Variants in COL13A1 observed in about 807,000 individuals in gnomAD.
COL13A1 encodes the protein collagen alpha-1(XIII) chain.
In COL13A1, 89 loss-of-function variants were observed where a neutral mutation model predicts 130.9. The observed-to-expected ratio is 0.68, with a 90% confidence interval of 0.57 to 0.81. COL13A1 has a LOEUF of 0.81. Ranked by LOEUF, COL13A1 falls within the 30% of genes least tolerant of loss-of-function variation. COL13A1 has a pLI of 0.00. For synonymous variants in COL13A1, 402 were observed against 341.6 expected, an observed-to-expected ratio of 1.18 and a Z score of -1.95; for missense variants, 879 against 934.6, an observed-to-expected ratio of 0.94 and a Z score of 0.78.
chr10:69,951,461 C>G (rs2069552789), intron 38 of COL13A1, among the ~76,000 whole-genome samples: 1 of 151,988 alleles, frequency 6.6e-6, no homozygotes, highest in Non-Finnish European at 1.5e-5. Context: ...TTGTCCTTGG[C>G]TCAAGTGATC....
chr10:69,930,273 T>C (rs2065938541), intron 29 of COL13A1, 127 bp from the exon 30 acceptor site: 3 of 1,081,666 alleles, frequency 2.8e-6, no homozygotes, highest in Non-Finnish European at 4.0e-6. Context: ...AGACCCAGGC[T>C]GGGCTGTCTC....
At chr10:69,921,687 C>T (rs765662575) in intron 21 of COL13A1, among the ~76,000 whole-genome samples, 195 bp from the exon 22 acceptor site, 7 of 152,162 alleles carry the variant, frequency 4.6e-5, no homozygotes, top group South Asian at 2.1e-4. Context: ...GTGTCACCAA[C>T]GCGAAGTGAC....
At chr10:69,925,489 A>G (rs2065223937) in intron 25 of COL13A1, among the ~76,000 whole-genome samples, 1 of 152,108 alleles carries the variant, frequency 6.6e-6, no homozygotes, top group Non-Finnish European at 1.5e-5. Flanking sequence ...CACAGGCTTG[A>G]CCTTGGGGTC....
At chr10:69,808,124 G>T (rs920796998) in intron 1 of COL13A1, among the ~76,000 whole-genome samples, 1 of 152,102 alleles carries the variant, frequency 6.6e-6, no homozygotes, top group African/African-American at 2.4e-5. Flanking sequence ...AAAGGTCTTC[G>T]AACTAGCAGA....
intron 15 of COL13A1, 86 bp from the exon 16 acceptor site, chr10:69,904,847 C>T: frequency 6.9e-7 from 1 of 1,439,812 alleles, no homozygotes; most frequent in Non-Finnish European, 9.4e-7. Flanking sequence ...TGCTCTGCCC[C>T]TAGGGTCTAC....
At chr10:69,814,102 T>C (rs554612770) in intron 1 of COL13A1, among the ~76,000 whole-genome samples, 9 of 152,358 alleles carry the variant, frequency 5.9e-5, no homozygotes, top group Admixed American at 5.2e-4. Context: ...TGCTGCAGGA[T>C]GATCAAAAGG....
chr10:69,948,096 A>AC (rs1344517169), intron 38 of COL13A1, among the ~76,000 whole-genome samples: 1 of 152,068 alleles, frequency 6.6e-6, no homozygotes, highest in Non-Finnish European at 1.5e-5. Context: ...TGGGGGGCAC[A>AC]CCCCCTAGAA....
chr10:69,892,357 G>A (rs2061261267), intron 10 of COL13A1, among the ~76,000 whole-genome samples: 1 of 151,942 alleles, frequency 6.6e-6, no homozygotes, highest in Non-Finnish European at 1.5e-5. Context: ...CTCTCAAAAG[G>A]GAGTCACCTC....
At chr10:69,918,801 C>T (rs2135540225) in intron 19 of COL13A1, among the ~76,000 whole-genome samples, 1 of 152,350 alleles carries the variant, frequency 6.6e-6, no homozygotes, top group Non-Finnish European at 1.5e-5. Flanking sequence ...TCCTTCCTCT[C>T]TTTCCTCCTG....
At chr10:69,818,431 C>A (rs1007223257) in intron 1 of COL13A1, among the ~76,000 whole-genome samples, 2 of 152,198 alleles carry the variant, frequency 1.3e-5, no homozygotes, top group African/African-American at 4.8e-5. Context: ...GAATCCTTAC[C>A]TGGGCACACA....
In COL13A1 at chr10:69,931,546, G is replaced by T. The variant is rs143342498; in HGVS notation, c.1683+994G>T. ...TGGTCTCAGAATTCTCCTCTAGGAA[G>T]TGGAAAGAGCCTCAGAGGTCAACCA... On this transcript the variant is annotated intron_variant, in intron 30 of 40. Transcript: ENST00000645393. Among the ~76,000 whole-genome samples the T allele has an allele frequency of 1.6e-4, 24 of 152,320 alleles. No homozygotes were observed. In the South Asian group the frequency reaches 1.7e-3, roughly 11 times the overall value.
intron 6 of COL13A1, among the ~76,000 whole-genome samples, chr10:69,879,151 C>T (rs1277832830): frequency 1.3e-5 from 2 of 152,202 alleles, no homozygotes; most frequent in Non-Finnish European, 2.9e-5. Context: ...CCGGGTCACA[C>T]AGCTAGAATG....
At chr10:69,870,275 A>ATT (rs147787104) in intron 3 of COL13A1, among the ~76,000 whole-genome samples, 1 of 150,940 alleles carries the variant, frequency 6.6e-6, no homozygotes. Context: ...CAAACCTTTA[A>ATT]TTTTTTTTTC....
chr10:69,832,579 T>C (rs979474988), intron 2 of COL13A1, among the ~76,000 whole-genome samples: 1 of 152,102 alleles, frequency 6.6e-6, no homozygotes, highest in Non-Finnish European at 1.5e-5. Flanking sequence ...TCCAGTTATT[T>C]TGTAGAAGGT....
intron 10 of COL13A1, 25 bp downstream of exon 10, chr10:69,889,465 C>T (rs1290132815): frequency 6.2e-7 from 1 of 1,609,140 alleles, no homozygotes; most frequent in East Asian, 2.2e-5. Context: ...TTCCTGCCTT[C>T]CCGAGATGGG....
chr10:69,892,119 A>G (rs2134702105), intron 10 of COL13A1, among the ~76,000 whole-genome samples: 1 of 152,338 alleles, frequency 6.6e-6, no homozygotes, highest in Non-Finnish European at 1.5e-5. Context: ...AGCCCACATC[A>G]GTGGGATAGA....
intron 17 of COL13A1, among the ~76,000 whole-genome samples, chr10:69,906,822 C>A (rs2062808159): frequency 1.3e-5 from 2 of 152,032 alleles, no homozygotes; most frequent in South Asian, 2.1e-4. Context: ...CCCCCGCCTC[C>A]CAGGTTCAAG....
intron 13 of COL13A1, among the ~76,000 whole-genome samples, chr10:69,896,496 C>T (rs1404225384): frequency 6.6e-6 from 1 of 152,040 alleles, no homozygotes; most frequent in Non-Finnish European, 1.5e-5. Context: ...GTCATGTGCC[C>T]CATGGTGCTC....
At chr10:69,878,108 CCTCCAGGTGGA>C (rs1564925171) in intron 6 of COL13A1, 43 bp downstream of exon 6, 3 of 702,704 alleles carry the variant, frequency 4.3e-6, no homozygotes, top group Non-Finnish European at 2.6e-6. Flanking sequence ...CCAGCCTCCT[CCTCCAGGTGGA>C]CTCTTGATGG....
Sources: allele counts gnomAD v4.1 joint callset (sites outside exome capture counted in the v4.1 genomes callset), GRCh38; gene constraint gnomAD v4.1.1; transcripts MANE v1.5; gene names NCBI Gene and HGNC (gene_info 2026-07-23, HGNC 2026-07-21).